Variants in ABR observed in about 807,000 individuals in gnomAD.
ABR encodes ABR activator of RhoGEF and GTPase.
Under a neutral mutation model 107.2 loss-of-function variants are expected in ABR, and 35 were observed. The ratio of observed to expected loss-of-function variants is 0.33; its 90% CI spans 0.25 to 0.43. The LOEUF (loss-of-function observed/expected upper bound fraction) is 0.43. Among genes scored for constraint, ABR ranks in the 20% least tolerant of loss-of-function variants. ABR has a pLI of 1.00. For missense variants in ABR, 815 were observed against 1,115.2 expected, an observed-to-expected ratio of 0.73 and a Z score of 3.83; for synonymous variants, 498 against 462.0, an observed-to-expected ratio of 1.08 and a Z score of -1.00.
rs372270641 is a variant in ABR at position 1,099,238 on chromosome 17, C to CT, written c.345+1398dup. ...TACAGGTATGCACCACCACGCCTGGCTTTTTTTTGCATTTCTAGCAGAGAC... is the reference window on the plus strand; with the variant it reads ...TACAGGTATGCACCACCACGCCTGGCTTTTTTTTTGCATTTCTAGCAGAGAC... On this transcript the variant is annotated intron_variant, in intron 3 of 22. Coordinates refer to ENST00000302538, the MANE Select transcript of ABR (RefSeq NM_021962.5). Among the ~76,000 whole-genome samples the CT allele has an allele frequency of 1.1e-4, 17 of 150,900 alleles. No individual in the cohort carries two copies. In the East Asian group the frequency reaches 2.4e-3, roughly 21 times the overall value.
chr17:1,222,331 C>T (rs2043134584), intron 1 of ABR, among the ~76,000 whole-genome samples: 1 of 152,168 alleles, frequency 6.6e-6, no homozygotes, highest in Non-Finnish European at 1.5e-5. Flanking sequence ...TCCCAAAGTG[C>T]TGGGATTACA....
chr17:1,006,136 G>C lies in ABR; in HGVS notation c.2524C>G (p.Pro842Ala). The change falls in exon 23 of 23, where the codon CCC (proline) becomes GCC (alanine). Residue 842 changes from proline to alanine, a missense_variant. Pro to Ala is a conservative substitution (Grantham distance 27). Transcript: ENST00000302538. The part of the protein sequence containing the change: ...QVLLYYLQHP[P>A]ISFAELKRNT... ...CGCTTGAGTTCTGCGAAGGAAATGGGGGGGTGCTGCAGGTAGTAGAGGAGG... is the reference window on the plus strand; with the variant it reads ...CGCTTGAGTTCTGCGAAGGAAATGGCGGGGTGCTGCAGGTAGTAGAGGAGG... The C allele has an allele frequency of 1.3e-6, 2 of 1,588,162 alleles. No individual in the cohort carries two copies. The highest frequency in any genetic ancestry group is 2.3e-5 in the East Asian group (1 of 43,714).
Position 1,072,620 on chromosome 17 carries a change from C to T in ABR, c.888G>A (p.Lys296=). The T allele has an allele frequency of 6.2e-7, 1 of 1,607,748 alleles. No individual in the cohort carries two copies. The highest frequency in any genetic ancestry group is 8.5e-7 in the Non-Finnish European group (1 of 1,177,364). ...DPRRTAVTTP[K]GETRQLVKDG... ...TGCCGGGCTCTGAGCTCACCTCCCC[C>T]TTGGGCGTTGTCACTGCAGTCCGGC... is the stretch of plus-strand genomic sequence containing the variant. Residue 296 remains lysine, a synonymous_variant, in exon 8 of 23, where the codon AAG becomes AAA. Transcript: ENST00000302538.
intron 16 of ABR, among the ~76,000 whole-genome samples, chr17:1,016,962 C>T (rs2071214162): frequency 6.6e-6 from 1 of 152,092 alleles, no homozygotes; most frequent in Non-Finnish European, 1.5e-5. Context: ...GATGTAGGTC[C>T]TTCCCACATC....
Position 1,203,447 on chromosome 17 carries a change from G to GGGGGCGGAGTCTGC in ABR, c.838+25345_838+25346insGCAGACTCCGCCCC, listed in dbSNP as rs2042721776. Among the ~76,000 whole-genome samples, 2 of 113,308 alleles carry GGGGGCGGAGTCTGC rather than the reference G, an allele frequency of 1.8e-5. 1 individual carries two copies. The highest frequency in any genetic ancestry group is 4.0e-5 in the Non-Finnish European group (2 of 50,400). 74.3% of individuals were successfully genotyped at this position (113,308 alleles called of 152,430 possible). The stretch of plus-strand genomic sequence containing the variant: ...CGGGGCCCGCGGGGACGGAGTCTGC[G>GGGGGCGGAGTCTGC]GGGGCGGGGCCCGCGGGGACGGAGT... On this transcript the variant is annotated intron_variant, in intron 1 of 22. Transcript: ENST00000574139.
At chr17:1,079,271 G>C in intron 6 of ABR, 59 bp downstream of exon 6, 1 of 1,582,442 alleles carries the variant, frequency 6.3e-7, no homozygotes, top group Non-Finnish European at 8.6e-7. Context: ...CACGCAGCCT[G>C]TTGCCTGCAC....
rs199616209 is a variant in ABR at position 1,056,011 on chromosome 17, C to A, written c.1561+24G>T. ...GCAGAATCCACAATGGCCCACCCAA[C>A]CTCGTCCTGGCCAGGGCACTTACTG... On this transcript the variant is annotated intron_variant, in intron 14 of 22. Coordinates refer to ENST00000302538, the MANE Select transcript of ABR (RefSeq NM_021962.5). 16 of 1,610,006 alleles carry A rather than the reference C, an allele frequency of 9.9e-6. No individual in the cohort carries two copies. The East Asian group carries it at 3.1e-4, about 31-fold the overall frequency.
At chr17:1,125,049 G>T in intron 2 of ABR, 134 bp downstream of exon 2, 1 of 875,240 alleles carries the variant, frequency 1.1e-6, no homozygotes, top group Non-Finnish European at 1.7e-6. Flanking sequence ...AGATGACGAG[G>T]CACCAAGAAC....
intron 16 of ABR, among the ~76,000 whole-genome samples, chr17:1,015,467 T>C (rs1227312108): frequency 1.3e-5 from 2 of 151,868 alleles, no homozygotes; most frequent in South Asian, 2.1e-4. Flanking sequence ...ATTTTATTTA[T>C]TTTTTTGAGA....
chr17:1,019,233 G>A (rs796596368), intron 16 of ABR, among the ~76,000 whole-genome samples: 10 of 152,278 alleles, frequency 6.6e-5, no homozygotes, highest in African/African-American at 2.4e-4. Context: ...TTCTCGCCCC[G>A]CCTCCTCCAG....
At chr17:1,146,260 GACACACACACACACACACACACAC>G (rs60058475) in intron 1 of ABR, among the ~76,000 whole-genome samples, 2 of 140,108 alleles carry the variant, frequency 1.4e-5, no homozygotes, top group African/African-American at 5.4e-5. Flanking sequence ...GGCACATGGA[GACACACACACACACACACACACAC>G]ACACACACAC....
chr17:1,015,754 G>A (rs1027349769), intron 16 of ABR, among the ~76,000 whole-genome samples: 1 of 152,108 alleles, frequency 6.6e-6, no homozygotes, highest in Non-Finnish European at 1.5e-5. Context: ...CACCGCGCCT[G>A]GCCTCATTAT....
chr17:1,189,494 G>C (rs1256435564), upstream of ABR, among the ~76,000 whole-genome samples: 1 of 152,022 alleles, frequency 6.6e-6, no homozygotes, highest in Non-Finnish European at 1.5e-5. Context: ...TGTCGGGATA[G>C]AGACCCGCAC....
rs1567889077 is a variant in ABR at position 1,203,401 on chromosome 17, G to GGGGCCTTGA, written c.838+25391_838+25392insTCAAGGCCC. 4.8e-4 allele frequency among the ~76,000 whole-genome samples: 6 copies of GGGGCCTTGA among 12,624 alleles called. 1 individual carries two copies. The highest frequency in any genetic ancestry group is 1.0e-3 in the East Asian group (1 of 956). The allele number at this position is 12,624 out of a possible 152,430, so 8.3% of individuals were successfully genotyped here. A position where few individuals can be genotyped will look rare whatever the true frequency, so the allele number is the denominator to read the frequency against. On this transcript the variant is annotated intron_variant, in intron 1 of 22. Transcript: ENST00000574139. Reference sequence around the variant, plus strand: ...GGGGCCTTGAGGGGGCGGGGCCCGCGGGGGGCGGAGTCTGCGGGGGCGGGG... The same window carrying GGGGCCTTGA: ...GGGGCCTTGAGGGGGCGGGGCCCGCGGGGCCTTGAGGGGGCGGAGTCTGCGGGGGCGGGG...
Position 1,005,733 on chromosome 17 carries a change from G to A in ABR, c.*347C>T, listed in dbSNP as rs2069973245. On this transcript the variant is annotated 3_prime_UTR_variant, in exon 23 of 23. Transcript: ENST00000302538. Reference sequence around the variant, plus strand: ...ACTCAGGCGGAAAGAAAGTGCTGGAGGAAATGAAAGAACAAAGCGGGCTGT... The same window carrying A: ...ACTCAGGCGGAAAGAAAGTGCTGGAAGAAATGAAAGAACAAAGCGGGCTGT... 3.0e-6 allele frequency: 1 copy of A among 336,810 alleles called. No homozygotes were observed. The allele number at this position is 336,810 out of a possible 1,614,324, so 20.9% of individuals were successfully genotyped here. A position where few individuals can be genotyped will look rare whatever the true frequency, so the allele number is the denominator to read the frequency against.
rs964090052 is a variant in ABR at position 1,222,589 on chromosome 17, G to T, written c.838+6204C>A. On this transcript the variant is annotated intron_variant, in intron 1 of 22. Coordinates refer to the ABR transcript ENST00000574139. ...TTCAGGTAACATGACTACTTAGTAG[G>T]AAATTCATTTCCCATAAAGATTAAA... Among the ~76,000 whole-genome samples the T allele has an allele frequency of 2.0e-5, 3 of 152,118 alleles. No individual in the cohort carries two copies. The South Asian group carries it at 6.2e-4, about 32-fold the overall frequency.
At chr17:1,080,034 G>A (rs2036103315) in intron 5 of ABR, among the ~76,000 whole-genome samples, 1 of 152,048 alleles carries the variant, frequency 6.6e-6, no homozygotes, top group African/African-American at 2.4e-5. Flanking sequence ...CGTCGGCCAA[G>A]GGCAGACAGG....
chr17:1,223,710 AACTT>A (rs147339453), intron 1 of ABR, among the ~76,000 whole-genome samples: 420 of 152,284 alleles, frequency 2.8e-3, no homozygotes, highest in African/African-American at 9.5e-3. Flanking sequence ...GGCCTCAGGA[AACTT>A]ACAATCACCG....
At chr17:1,175,747 C>G (rs374499954) in intron 1 of ABR, among the ~76,000 whole-genome samples, 1 of 152,300 alleles carries the variant, frequency 6.6e-6, no homozygotes, top group Admixed American at 6.5e-5. Context: ...GAAGTGGGCA[C>G]ACTCCTCCTG....
Sources: gnomAD v4.1 joint callset for allele counts (sites outside exome capture counted in the v4.1 genomes callset) on GRCh38, gnomAD v4.1.1 for gene constraint, MANE v1.5 for transcripts, NCBI Gene and HGNC (gene_info 2026-07-23, HGNC 2026-07-21) for gene names.